The following SEMA4F variants were observed in gnomAD, a reference collection of about 807,000 sequenced individuals.
SEMA4F encodes ssemaphorin 4F, also known as semaphorin-4F.
SEMA4F carries 51 observed loss-of-function variants against 78.4 expected under a neutral mutation model. That is an observed-to-expected ratio of 0.65 (90% CI 0.52 to 0.82). The LOEUF is 0.82. SEMA4F is among the 40% of genes least tolerant of loss of function. The pLI is 0.00. For synonymous variants in SEMA4F, 418 were observed against 408.7 expected (o/e 1.02, Z -0.27); for missense variants, 938 against 1,014.4 (o/e 0.92, Z 1.02).
At chr2:74,674,804 C>T in intron 8 of SEMA4F, 84 bp from the exon 9 acceptor site, 1 of 1,561,682 alleles carries the variant, frequency 6.4e-7, no homozygotes, top group Non-Finnish European at 8.7e-7. Context: ...CTGTGCGTTT[C>T]TCGGGGGTCA....
In SEMA4F at chr2:74,654,314, A is replaced by C. The variant is rs922329443; in HGVS notation, c.-63A>C. On this transcript the variant is annotated 5_prime_UTR_variant, in exon 1 of 14. Coordinates refer to ENST00000357877, the MANE Select transcript of SEMA4F (RefSeq NM_004263.5). ...GGACCCGAGTGGGGCCGAGGCCAGT[A>C]GCCCCGGGGCCCTGAGCAGAGGCCG... is the stretch of plus-strand genomic sequence containing the variant. 597 of 1,377,962 alleles carry C rather than the reference A, an allele frequency of 4.3e-4. No homozygotes were observed. Among genetic ancestry groups the C allele is most frequent in the Middle Eastern group, 7.9e-4 (3 of 3,776 alleles). 85.4% of individuals were successfully genotyped at this position (1,377,962 alleles called of 1,614,324 possible).
chr2:74,662,593 T>C, intron 4 of SEMA4F, 139 bp from the exon 5 acceptor site: 4 of 730,092 alleles, frequency 5.5e-6, no homozygotes, highest in Non-Finnish European at 1.0e-5. Flanking sequence ...ACTGGTAATA[T>C]GGGGATGATA....
the SEMA4F span, among the ~76,000 whole-genome samples, chr2:74,698,825 A>G: frequency 0.024 from 3,670 of 152,186 alleles, 127 homozygotes; most frequent in African/African-American, 0.074. Context: ...TGTTATTTCC[A>G]CTTCAGAGGG....
chr2:74,663,949 TTAAA>T (rs1309029772), intron 5 of SEMA4F, among the ~76,000 whole-genome samples: 1 of 152,246 alleles, frequency 6.6e-6, no homozygotes, highest in African/African-American at 2.4e-5. Context: ...GTAATGACTA[TTAAA>T]TAAATTCCTG....
In SEMA4F at chr2:74,654,435, TC is replaced by T; in HGVS notation, c.62del (p.Pro21ArgfsTer8). On this transcript the variant is annotated frameshift_variant, in exon 1 of 14. Coordinates refer to ENST00000357877, the MANE Select transcript of SEMA4F (RefSeq NM_004263.5). LOFTEE classifies it high-confidence loss of function. ...PGPGQPTASP[F>X]PLLLLAVLSG... ...CCCGGGCAGCCTACAGCCTCGCCCT[TC>T]CCGCTACTGCTGCTGGCGGTGCTGA... The T allele has an allele frequency of 6.4e-7, 1 of 1,569,352 alleles. No individual in the cohort carries two copies. The highest frequency in any genetic ancestry group is 8.6e-7 in the Non-Finnish European group (1 of 1,163,582).
the SEMA4F span, among the ~76,000 whole-genome samples, chr2:74,705,404 G>A: frequency 1.6e-4 from 25 of 152,276 alleles, no homozygotes; most frequent in Middle Eastern, 6.8e-3. Context: ...CAAAAATAAG[G>A]AATTGGTTGA....
chr2:74,697,281 C>T, the SEMA4F span, among the ~76,000 whole-genome samples: 2 of 152,198 alleles, frequency 1.3e-5, no homozygotes, highest in Non-Finnish European at 2.9e-5. Context: ...AGCATTGACT[C>T]AAGAACTTGG....
At chr2:74,687,070 G>C (rs973216910), downstream of SEMA4F, among the ~76,000 whole-genome samples, 1 of 152,084 alleles carries the variant, frequency 6.6e-6, no homozygotes, top group African/African-American at 2.4e-5. Context: ...GTTACAATTA[G>C]AATGAAATCC....
rs762243793 is a variant in SEMA4F, at chr2:74,654,405, C to A, written c.29C>A (p.Pro10Gln). The A allele has an allele frequency of 2.0e-6, 3 of 1,532,722 alleles. No individual in the cohort carries two copies. The highest frequency in any genetic ancestry group is 2.6e-6 in the Non-Finnish European group (3 of 1,147,928). 94.9% of individuals were successfully genotyped at this position (1,532,722 alleles called of 1,614,324 possible). ...CCGGCCTCTGCTGCGCGGCCCCGCC[C>A]GGGTCCCGGGCAGCCTACAGCCTCG... Reference protein sequence around the residue: MPASAARPRPGPGQPTASPF... With the variant: MPASAARPRQGPGQPTASPF... The change falls in exon 1 of 14, where the codon CCG becomes CAG. Residue 10 changes from proline to glutamine, a missense_variant. Physicochemically the swap from Pro to Gln is moderately conservative, Grantham distance 76. Coordinates refer to ENST00000357877, the MANE Select transcript of SEMA4F (RefSeq NM_004263.5).
At chr2:74,707,591 T>TAAC in the SEMA4F span, among the ~76,000 whole-genome samples, 7 of 151,682 alleles carry the variant, frequency 4.6e-5, no homozygotes, top group Admixed American at 2.0e-4. Context: ...CCTGAAACAA[T>TAAC]AACAACAACA....
intron 5 of SEMA4F, among the ~76,000 whole-genome samples, chr2:74,667,254 G>A (rs544179518): frequency 1.3e-5 from 2 of 152,186 alleles, no homozygotes; most frequent in Non-Finnish European, 2.9e-5. Flanking sequence ...GCTGCAGCAG[G>A]AATCCTTTTA....
the SEMA4F span, among the ~76,000 whole-genome samples, chr2:74,696,131 T>C: frequency 6.6e-6 from 1 of 151,928 alleles, no homozygotes; most frequent in East Asian, 1.9e-4. Flanking sequence ...AAAATATTCA[T>C]GATTAAAAAT....
At chr2:74,673,614 G>C (rs1185208602) in intron 6 of SEMA4F, 38 bp downstream of exon 6, 1 of 1,613,564 alleles carries the variant, frequency 6.2e-7, no homozygotes, top group Non-Finnish European at 8.5e-7. Flanking sequence ...GGAGACCGAT[G>C]GGGTGGAGTC....
intron 4 of SEMA4F, among the ~76,000 whole-genome samples, chr2:74,659,023 C>A (rs1043364261): frequency 3.3e-5 from 5 of 152,174 alleles, no homozygotes; most frequent in African/African-American, 1.2e-4. Flanking sequence ...GTTAGTCCCC[C>A]TGGGCTGCCT....
intron 8 of SEMA4F, 44 bp from the exon 9 acceptor site, chr2:74,674,844 C>A: frequency 6.2e-7 from 1 of 1,605,824 alleles, no homozygotes; most frequent in South Asian, 1.1e-5. Flanking sequence ...AGTTGCTATC[C>A]CCCAGACCCC....
At chr2:74,666,532 T>A (rs997833742) in intron 5 of SEMA4F, among the ~76,000 whole-genome samples, 2 of 152,164 alleles carry the variant, frequency 1.3e-5, no homozygotes, top group African/African-American at 4.8e-5. Flanking sequence ...AAACTCTATG[T>A]CTCTAGCTGT....
downstream of SEMA4F, among the ~76,000 whole-genome samples, chr2:74,686,021 C>T (rs182315256): frequency 1.0e-3 from 156 of 152,148 alleles, 1 homozygote; most frequent in African/African-American, 3.2e-3. Flanking sequence ...TACCATCTCA[C>T]GCCAATTAGA....
At chr2:74,655,101 C>G (rs1052491027) in intron 1 of SEMA4F, among the ~76,000 whole-genome samples, 1 of 152,196 alleles carries the variant, frequency 6.6e-6, no homozygotes, top group Non-Finnish European at 1.5e-5. Context: ...GCCCTTCCCG[C>G]TCCCCTGACA....
At chr2:74,655,099 C>T (rs998268888) in intron 1 of SEMA4F, among the ~76,000 whole-genome samples, 1 of 152,168 alleles carries the variant, frequency 6.6e-6, no homozygotes, top group Non-Finnish European at 1.5e-5. Flanking sequence ...CAGCCCTTCC[C>T]GCTCCCCTGA....
Sources: gnomAD v4.1 joint callset for allele counts (sites outside exome capture counted in the v4.1 genomes callset) on GRCh38, gnomAD v4.1.1 for gene constraint, MANE v1.5 for transcripts, NCBI Gene and HGNC (gene_info 2026-07-23, HGNC 2026-07-21) for gene names.